SPTLC1: variants seen among roughly 807,000 people sequenced by gnomAD.
The protein encoded by SPTLC1 is serine palmitoyltransferase long chain base subunit 1, also known as serine palmitoyltransferase 1.
A neutral mutation model predicts 68.9 loss-of-function variants in SPTLC1; 55 were observed. The observed-to-expected ratio is 0.80, with a 90% confidence interval of 0.64 to 1.00. The LOEUF (loss-of-function observed/expected upper bound fraction) is 1.00, where lower values mean the gene tolerates loss of function less well. SPTLC1 is among the 50% of genes least tolerant of loss of function. SPTLC1 has a pLI of 0.00. For missense variants in SPTLC1, 449 were observed against 573.1 expected, an observed-to-expected ratio of 0.78 and a Z score of 2.21; for synonymous variants, 197 against 201.6, an observed-to-expected ratio of 0.98 and a Z score of 0.19.
Position 92,068,018 on chromosome 9 carries a change from T to C in SPTLC1, c.508A>G (p.Thr170Ala). Residue 170 changes from threonine to alanine, a missense_variant, in exon 6 of 15, where the codon ACC becomes GCC. By Grantham distance (58) the Thr-to-Ala change is moderately conservative. This residue lies in a region of SPTLC1 where 391 missense variants were observed against 472.1 expected (regional missense o/e 0.83). Coordinates refer to ENST00000262554, the MANE Select transcript of SPTLC1 (RefSeq NM_006415.4). Reference sequence around the variant, plus strand: ...TAAGCAGGAATAGCACTGGCTATGGTGGCAAATCCATATGAGTATATAATG... The same window carrying C: ...TAAGCAGGAATAGCACTGGCTATGGCGGCAAATCCATATGAGTATATAATG... ...EAIIYSYGFA[T>A]IASAIPAYSK... 6.2e-7 allele frequency: 1 copy of C among 1,614,146 alleles called. No homozygotes were observed. The highest frequency in any genetic ancestry group is 8.5e-7 in the Non-Finnish European group (1 of 1,180,008).
Position 92,078,064 on chromosome 9 carries a change from A to G in SPTLC1, c.427+1952T>C, listed in dbSNP as rs549209323. 1.2e-4 allele frequency among the ~76,000 whole-genome samples: 19 copies of G among 152,114 alleles called. No homozygotes were observed. In the East Asian group the frequency reaches 1.4e-3, roughly 11 times the overall value. ...CTGTCCCTGCCCTGCCAGCTGACTC[A>G]GCAACCTCCCCCATCTCCCTACACC... On this transcript the variant is annotated intron_variant, in intron 5 of 14. Coordinates refer to ENST00000262554, the MANE Select transcript of SPTLC1 (RefSeq NM_006415.4).
At chr9:92,035,133 G>A (rs1833101501) in intron 13 of SPTLC1, among the ~76,000 whole-genome samples, 1 of 152,220 alleles carries the variant, frequency 6.6e-6, no homozygotes, top group Non-Finnish European at 1.5e-5. Context: ...TGAGCACACG[G>A]AGATATGGCT....
intron 12 of SPTLC1, among the ~76,000 whole-genome samples, chr9:92,043,065 G>C (rs550301450): frequency 6.6e-6 from 1 of 152,096 alleles, no homozygotes; most frequent in East Asian, 1.9e-4. Flanking sequence ...CATCTAGGCC[G>C]TGTCCACCTG....
chr9:92,038,278 A>G lies in SPTLC1; in HGVS notation c.1224T>C (p.Asp408=). 6.2e-7 allele frequency: 1 copy of G among 1,614,112 alleles called. No individual in the cohort carries two copies. The highest frequency in any genetic ancestry group is 1.3e-5 in the African/African-American group (1 of 75,062). ...CTACAATTTCCTGAAGCAGTCTGACATCTTGCTCGCGAGACCCAGTGCTCT... is the reference window on the plus strand; with the variant it reads ...CTACAATTTCCTGAAGCAGTCTGACGTCTTGCTCGCGAGACCCAGTGCTCT... The part of the protein sequence containing the change: ...LEESTGSREQ[D]VRLLQEIVDQ... Residue 408 remains aspartate (D), a synonymous_variant, in exon 13 of 15, where the codon GAT becomes GAC. Transcript: ENST00000262554.
chr9:92,104,766 G>A (rs1276464564), intron 3 of SPTLC1: 2 of 1,533,690 alleles, frequency 1.3e-6, no homozygotes, highest in Non-Finnish European at 1.7e-6. Flanking sequence ...TCCACCTCTA[G>A]GCCCCTGGAG....
At position 92,073,388 on chromosome 9, in the gene SPTLC1, T is replaced by A. The variant is rs141255869; in HGVS notation, c.428-5290A>T. ...AGGCCAGGCACTAGGGCAGTACCCG[T>A]GAAGGCCCCAAAGGACCTACCAGGC... is the stretch of plus-strand genomic sequence containing the variant. On this transcript the variant is annotated intron_variant, in intron 5 of 14. Coordinates refer to ENST00000262554, the MANE Select transcript of SPTLC1 (RefSeq NM_006415.4). Among the ~76,000 whole-genome samples, 166 of 152,282 alleles carry A rather than the reference T, an allele frequency of 1.1e-3. 1 individual carries two copies. Among genetic ancestry groups the A allele is most frequent in the African/African-American group, 3.3e-3 (138 of 41,562 alleles).
chr9:92,066,549 C>T (rs1423078810), intron 6 of SPTLC1, among the ~76,000 whole-genome samples: 1 of 152,196 alleles, frequency 6.6e-6, no homozygotes, highest in Non-Finnish European at 1.5e-5. Context: ...ACAGCTTAAA[C>T]ACCTCAGGGA....
intron 5 of SPTLC1, among the ~76,000 whole-genome samples, chr9:92,073,572 C>A (rs1033349545): frequency 1.3e-5 from 2 of 152,130 alleles, no homozygotes; most frequent in African/African-American, 4.8e-5. Flanking sequence ...CTAGCTGCCA[C>A]CCTCAGGCGA....
intron 3 of SPTLC1, chr9:92,108,290 T>A (rs1836080450): frequency 5.9e-6 from 1 of 169,338 alleles, no homozygotes; most frequent in Non-Finnish European, 1.3e-5. Context: ...GAAAGAGGCA[T>A]AAGTGAGCGG....
intron 5 of SPTLC1, among the ~76,000 whole-genome samples, chr9:92,075,831 C>T (rs916468411): frequency 2.0e-5 from 3 of 152,166 alleles, no homozygotes; most frequent in Non-Finnish European, 4.4e-5. Flanking sequence ...GACTTCAACC[C>T]GGCCTCTCAC....
chr9:92,099,864 A>T (rs1835681917), intron 3 of SPTLC1, among the ~76,000 whole-genome samples: 1 of 152,182 alleles, frequency 6.6e-6, no homozygotes, highest in East Asian at 1.9e-4. Context: ...TCAGTAGAGT[A>T]ACATGCTGTA....
At chr9:92,091,730 A>G (rs1835368600) in intron 3 of SPTLC1, among the ~76,000 whole-genome samples, 1 of 152,222 alleles carries the variant, frequency 6.6e-6, no homozygotes, top group African/African-American at 2.4e-5. Flanking sequence ...GTTAGTAATC[A>G]AAATAAATGT....
chr9:92,051,253 C>T, intron 8 of SPTLC1: 2 of 984,564 alleles, frequency 2.0e-6, no homozygotes, highest in Non-Finnish European at 2.4e-6. Flanking sequence ...TATTTTGAAT[C>T]CTTATTCAAT....
At chr9:92,083,117 T>A (rs1834956524) in intron 3 of SPTLC1, among the ~76,000 whole-genome samples, 1 of 151,410 alleles carries the variant, frequency 6.6e-6, no homozygotes, top group Non-Finnish European at 1.5e-5. Flanking sequence ...TTTGTTTGAG[T>A]TCATTGTAGA....
At chr9:92,049,802 A>C (rs550202968) in intron 9 of SPTLC1, among the ~76,000 whole-genome samples, 158 bp downstream of exon 9, 1 of 152,134 alleles carries the variant, frequency 6.6e-6, no homozygotes, top group African/African-American at 2.4e-5. Flanking sequence ...GGCTGACTAG[A>C]CTCATCCTGG....
At position 92,051,579 on chromosome 9, in the gene SPTLC1, T is replaced by C. The variant is rs569960090; in HGVS notation, c.781-1512A>G. Among the ~76,000 whole-genome samples, 5 of 152,306 alleles carry C rather than the reference T, an allele frequency of 3.3e-5. No individual in the cohort carries two copies. The South Asian group carries it at 6.2e-4, about 19-fold the overall frequency. On this transcript the variant is annotated intron_variant, in intron 8 of 14. Coordinates refer to ENST00000262554, the MANE Select transcript of SPTLC1 (RefSeq NM_006415.4). ...ATCAGGAACAAGACAAAGATGCTCA[T>C]TTTCGCCACCTGTAGTCAACACTGT...
Position 92,038,267 on chromosome 9 carries a change from A to G in SPTLC1, c.1235T>C (p.Leu412Pro). 6.2e-7 allele frequency: 1 copy of G among 1,613,626 alleles called. No homozygotes were observed. The highest frequency in any genetic ancestry group is 8.5e-7 in the Non-Finnish European group (1 of 1,179,510). The change falls in exon 13 of 15, where the codon CTT (leucine) becomes CCT (proline). Residue 412 changes from leucine (L) to proline (P), a missense_variant. Physicochemically the swap from Leu to Pro is moderately conservative, Grantham distance 98. Coordinates refer to ENST00000262554, the MANE Select transcript of SPTLC1 (RefSeq NM_006415.4). ...TGSREQDVRL[L>P]QEIVDQCMNR... is the part of the protein sequence containing the mutation. ...ACTTACTTGATCTACAATTTCCTGAAGCAGTCTGACATCTTGCTCGCGAGA... is the reference window on the plus strand; with the variant it reads ...ACTTACTTGATCTACAATTTCCTGAGGCAGTCTGACATCTTGCTCGCGAGA...
At chr9:92,079,914 C>A in intron 5 of SPTLC1, 102 bp downstream of exon 5, 1 of 1,013,938 alleles carries the variant, frequency 9.9e-7, no homozygotes, top group South Asian at 1.3e-5. Context: ...CTCAGCCTCC[C>A]CAAAGTGCTG....
chr9:92,098,538 T>C (rs1835624751), intron 3 of SPTLC1, among the ~76,000 whole-genome samples: 1 of 151,918 alleles, frequency 6.6e-6, no homozygotes, highest in Admixed American at 6.6e-5. Flanking sequence ...ACAATTTACA[T>C]AATGTTCTTG....
Sources: gnomAD v4.1 joint callset for allele counts (sites outside exome capture counted in the v4.1 genomes callset) on GRCh38, gnomAD v4.1.1 for gene constraint, gnomAD v4.1.1 regional missense constraint, MANE v1.5 for transcripts, NCBI Gene and HGNC (gene_info 2026-07-23, HGNC 2026-07-21) for gene names.